The following XYLT1 variants were observed in gnomAD, a reference collection of about 807,000 sequenced individuals.
The protein encoded by XYLT1 is xylosyltransferase 1, also known as beta-D-xylosyltransferase 1.
In XYLT1, 36 loss-of-function variants were observed where a neutral mutation model predicts 91.3. That is an observed-to-expected ratio of 0.39 (90% CI 0.30 to 0.52). The LOEUF (loss-of-function observed/expected upper bound fraction) is 0.52, where lower values mean the gene tolerates loss of function less well. Among genes scored for constraint, XYLT1 ranks in the 20% least tolerant of loss-of-function variants. The pLI is 0.68. For missense variants in XYLT1, 1,242 were observed against 1,284.5 expected, an observed-to-expected ratio of 0.97 and a Z score of 0.51; for synonymous variants, 588 against 532.0, an observed-to-expected ratio of 1.11 and a Z score of -1.45.
chr16:17,250,430 G>C (rs2033518899), intron 3 of XYLT1: 1 of 152,192 alleles, frequency 6.6e-6, no homozygotes, highest in African/African-American at 2.4e-5. Context: ...TGCCCACAAT[G>C]GTCATTTGTT....
chr16:17,245,876 T>A (rs2141740791), intron 3 of XYLT1, among the ~76,000 whole-genome samples: 1 of 152,342 alleles, frequency 6.6e-6, no homozygotes, highest in East Asian at 1.9e-4. Flanking sequence ...TGGCTATTTC[T>A]CACCCCAGGC....
At chr16:17,315,753 C>T (rs2034621112) in intron 2 of XYLT1, among the ~76,000 whole-genome samples, 1 of 152,070 alleles carries the variant, frequency 6.6e-6, no homozygotes, top group African/African-American at 2.4e-5. Flanking sequence ...GGCAACTTGC[C>T]CAAGGTCACC....
intron 1 of XYLT1, among the ~76,000 whole-genome samples, chr16:17,459,001 T>C (rs192868331): frequency 1.3e-5 from 2 of 152,278 alleles, no homozygotes; most frequent in East Asian, 1.9e-4. Flanking sequence ...TGAGAATTCA[T>C]CAAGTTGTAT....
intron 2 of XYLT1, among the ~76,000 whole-genome samples, chr16:17,341,060 G>T (rs1192501897): frequency 6.6e-6 from 1 of 152,202 alleles, no homozygotes; most frequent in Non-Finnish European, 1.5e-5. Flanking sequence ...TTTGACCGGA[G>T]ATGTGAAGAA....
At chr16:17,170,654 G>T (rs901574457) in intron 5 of XYLT1, among the ~76,000 whole-genome samples, 2 of 152,194 alleles carry the variant, frequency 1.3e-5, no homozygotes, top group South Asian at 4.1e-4. Flanking sequence ...GCACTGAACT[G>T]TACTGACACG....
In XYLT1 at chr16:17,200,500, G is replaced by A; in HGVS notation, c.1068C>T (p.Tyr356=). 6.2e-7 allele frequency: 1 copy of A among 1,614,042 alleles called. No homozygotes were observed. The highest frequency in any genetic ancestry group is 8.5e-7 in the Non-Finnish European group (1 of 1,179,878). Residue 356 remains tyrosine (Y), a synonymous_variant, in exon 4 of 12, where the codon TAC becomes TAT. Transcript: ENST00000261381. ...FKAIYHKDHF[Y]YIHVDKRSNY... ...CTCTCACCTTGTCCACGTGGATGTA[G>A]TAGAAGTGGTCTTTGTGGTAGATGG... is the stretch of plus-strand genomic sequence containing the variant.
intron 3 of XYLT1, among the ~76,000 whole-genome samples, chr16:17,223,118 A>G (rs17210682): frequency 0.027 from 4,053 of 152,076 alleles, 68 homozygotes; most frequent in Admixed American, 0.039. Context: ...TGCAGGGAAC[A>G]TATTCTAAGA....
At chr16:17,306,231 G>C (rs1206892483) in intron 2 of XYLT1, among the ~76,000 whole-genome samples, 2 of 152,114 alleles carry the variant, frequency 1.3e-5, no homozygotes, top group African/African-American at 4.8e-5. Context: ...TTGGGAGAGG[G>C]AAAAAGAACA....
intron 2 of XYLT1, among the ~76,000 whole-genome samples, chr16:17,336,854 A>G (rs2141843287): frequency 6.6e-6 from 1 of 152,324 alleles, no homozygotes. Context: ...AGTCCTAGAA[A>G]AAATGCTCAC....
rs79030430 is a variant in XYLT1, at chr16:17,134,506, G to A, written c.1994C>T (p.Thr665Met). Reference sequence around the variant, plus strand: ...GTTCTCCCCATCCGTGTGCAGGGACGTCTCGGCCCGTCGAAGACCCAGGCG... The same window carrying A: ...GTTCTCCCCATCCGTGTGCAGGGACATCTCGGCCCGTCGAAGACCCAGGCG... ...FARLGLRRAE[T>M]SLHTDGENSC... Residue 665 changes from threonine to methionine, a missense_variant, in exon 9 of 12, where the codon ACG (threonine) becomes ATG (methionine). This residue lies in a region of XYLT1 where 511 missense variants were observed against 497.0 expected (regional missense o/e 1.03). Coordinates refer to ENST00000261381, the MANE Select transcript of XYLT1 (RefSeq NM_022166.4). The A allele has an allele frequency of 6.1e-3, 9,917 of 1,614,114 alleles. 301 individuals carry two copies. The East Asian group carries it at 0.062, about 10-fold the overall frequency.
intron 1 of XYLT1, among the ~76,000 whole-genome samples, chr16:17,416,251 A>C (rs2036178714): frequency 6.6e-6 from 1 of 152,246 alleles, no homozygotes; most frequent in African/African-American, 2.4e-5. Flanking sequence ...CCCTTCCGGG[A>C]TAAACTGTGA....
intron 2 of XYLT1, among the ~76,000 whole-genome samples, chr16:17,266,896 C>T (rs576430936): frequency 1.9e-4 from 29 of 152,284 alleles, no homozygotes; most frequent in Non-Finnish European, 1.9e-4. Context: ...GTGGCTGTAC[C>T]AATTAGAACA....
rs568648689 is a variant in XYLT1, at chr16:17,312,161, C to A, written c.402+45851G>T. Among the ~76,000 whole-genome samples the A allele has an allele frequency of 2.6e-5, 4 of 152,260 alleles. No homozygotes were observed. Among genetic ancestry groups the A allele is most frequent in the Admixed American group, 2.6e-4 (4 of 15,300 alleles). On this transcript the variant is annotated intron_variant, in intron 2 of 11. Coordinates refer to ENST00000261381, the MANE Select transcript of XYLT1 (RefSeq NM_022166.4). This position sits in a 1 kb window ranked among gnomAD's most constrained non-coding sequence, Gnocchi z 4.4. ...ACAAGAGGAAGAGGGGCGTTCTAGA[C>A]ACACAGCACTGCCCAAGCCAAATGA... is the stretch of plus-strand genomic sequence containing the variant.
At chr16:17,217,419 C>T (rs770529567) in intron 3 of XYLT1, among the ~76,000 whole-genome samples, 4 of 152,156 alleles carry the variant, frequency 2.6e-5, no homozygotes, top group African/African-American at 7.2e-5. Context: ...TGTTAACAAA[C>T]GTTCAGTGAA....
At chr16:17,453,868 A>T (rs1333193446) in intron 1 of XYLT1, among the ~76,000 whole-genome samples, 1 of 152,234 alleles carries the variant, frequency 6.6e-6, no homozygotes, top group Non-Finnish European at 1.5e-5. Flanking sequence ...TGGCTTTGGT[A>T]TAAGAAATTA....
intron 1 of XYLT1, among the ~76,000 whole-genome samples, chr16:17,392,278 T>G (rs759919532): frequency 6.6e-6 from 1 of 152,128 alleles, no homozygotes; most frequent in African/African-American, 2.4e-5. Context: ...AACATTCCAT[T>G]CTCTCTGCCG....
intron 2 of XYLT1, among the ~76,000 whole-genome samples, chr16:17,351,883 C>A (rs559580030): frequency 3.3e-5 from 5 of 152,254 alleles, no homozygotes; most frequent in African/African-American, 1.2e-4. Flanking sequence ...GTGGCTCATG[C>A]CTGCAATTCC....
At chr16:17,116,261 C>T (rs1567278558) in intron 11 of XYLT1, among the ~76,000 whole-genome samples, 1 of 152,066 alleles carries the variant, frequency 6.6e-6, no homozygotes, top group South Asian at 2.1e-4. Context: ...AAAAGTCAGG[C>T]AGGATAGGAA....
intron 3 of XYLT1, among the ~76,000 whole-genome samples, chr16:17,205,424 C>T (rs1320532608): frequency 3.3e-5 from 5 of 152,210 alleles, no homozygotes; most frequent in Non-Finnish European, 7.3e-5. Flanking sequence ...AGAACATGAC[C>T]TGTGGTCAGG....
Sources: allele counts gnomAD v4.1 joint callset (sites outside exome capture counted in the v4.1 genomes callset), GRCh38; gene constraint gnomAD v4.1.1; regional missense constraint gnomAD v4.1.1; non-coding constraint Gnocchi (gnomAD v3.1); transcripts MANE v1.5; gene names NCBI Gene and HGNC (gene_info 2026-07-23, HGNC 2026-07-21).